The following EP400 variants were observed in gnomAD, a reference collection of about 807,000 sequenced individuals.
EP400 encodes E1A binding protein p400.
EP400 carries 105 observed loss-of-function variants against 354.1 expected under a neutral mutation model. The observed-to-expected ratio is 0.30, with a 90% confidence interval of 0.25 to 0.35. The LOEUF is 0.35. Among genes scored for constraint, EP400 ranks in the 10% least tolerant of loss-of-function variants. The probability of loss-of-function intolerance (pLI) is 1.00; values close to 1 mark genes in which losing one functional copy is unlikely to be tolerated. For synonymous variants in EP400, 1,646 were observed against 1,716.9 expected, an observed-to-expected ratio of 0.96 and a Z score of 1.02; for missense variants, 3,280 against 4,121.0, an observed-to-expected ratio of 0.80 and a Z score of 5.59.
In EP400 at chr12:131,973,914, A is replaced by C. The variant is rs1892380924; in HGVS notation, c.1336-5780A>C. ...TTTCAGTGATTATGATGTTAGAGAA[A>C]ATGAGTAATTATTTATGGTTTTGTG... On this transcript the variant is annotated intron_variant, in intron 2 of 52. Transcript: ENST00000389561. 3.9e-5 allele frequency among the ~76,000 whole-genome samples: 6 copies of C among 152,074 alleles called. 1 individual carries two copies. The South Asian group carries it at 1.2e-3, about 32-fold the overall frequency.
chr12:132,050,305 T>C lies in EP400; in HGVS notation c.7201-18T>C. 1 of 1,613,862 alleles carries C rather than the reference T, an allele frequency of 6.2e-7. No individual in the cohort carries two copies. Among genetic ancestry groups the C allele is most frequent in the Non-Finnish European group, 8.5e-7 (1 of 1,179,896 alleles). On this transcript the variant is annotated intron_variant, in intron 39 of 52. Transcript: ENST00000389561. This position sits in a 1 kb window ranked among gnomAD's most constrained non-coding sequence, Gnocchi z 4.8. ...CATGCTGCCTAATTCAGATGCACTC[T>C]CGTCAATTTCATTGCAGAGTAAAAA... is the stretch of plus-strand genomic sequence containing the variant.
At chr12:132,001,061 C>T (rs531203505) in intron 12 of EP400, among the ~76,000 whole-genome samples, 2 of 152,218 alleles carry the variant, frequency 1.3e-5, no homozygotes, top group East Asian at 3.9e-4. Flanking sequence ...TAGGGACCAG[C>T]CCCACAGGGT....
chr12:132,056,059 C>T (rs1895502257), intron 45 of EP400, among the ~76,000 whole-genome samples: 1 of 151,876 alleles, frequency 6.6e-6, no homozygotes, highest in South Asian at 2.1e-4. Context: ...GCAGCCCACC[C>T]AGGTGGAGAG....
chr12:131,979,842 G>A (rs1225062902), intron 3 of EP400, 49 bp downstream of exon 3: 6 of 1,483,916 alleles, frequency 4.0e-6, no homozygotes, highest in Non-Finnish European at 5.5e-6. Flanking sequence ...CCTCTCCTTG[G>A]GCTGCCGAGG....
chr12:132,051,987 G>A (rs187851066), intron 41 of EP400, among the ~76,000 whole-genome samples: 1 of 152,296 alleles, frequency 6.6e-6, no homozygotes, highest in Admixed American at 6.5e-5. Context: ...AGGCTTGCAC[G>A]CTTGTCTTCT....
chr12:132,039,611 A>G (rs1017271864), intron 32 of EP400, among the ~76,000 whole-genome samples: 8 of 152,278 alleles, frequency 5.3e-5, no homozygotes, highest in Admixed American at 1.3e-4. Context: ...CATTTCTTCT[A>G]GAGATTGCAT....
At chr12:132,074,840 T>G (rs1896184287) in intron 51 of EP400, among the ~76,000 whole-genome samples, 1 of 152,208 alleles carries the variant, frequency 6.6e-6, no homozygotes, top group South Asian at 2.1e-4. Context: ...TTGTTTATAG[T>G]CTCTTGTTTC....
intron 1 of EP400, among the ~76,000 whole-genome samples, chr12:131,950,794 C>T (rs1301116935): frequency 6.6e-6 from 1 of 152,236 alleles, no homozygotes; most frequent in African/African-American, 2.4e-5. Flanking sequence ...CGCTCTGTTG[C>T]CCAGGTTGGC....
Position 132,020,146 on chromosome 12 carries a change from T to C in EP400, c.4375T>C (p.Ser1459Pro), listed in dbSNP as rs749262516. The part of the protein sequence containing the change: ...PPRTAAPTTA[S>P]AAPQGPLRGR... ...CCGGACGGCAGCCCCCACCACGGCC[T>C]CTGCTGCTCCACAGGGCCCGCTTCG... The change falls in exon 22 of 53, where the codon TCT becomes CCT. Residue 1459 changes from serine (S) to proline (P), a missense_variant. Ser to Pro is a moderately conservative substitution (Grantham distance 74). This residue lies in a region of EP400 where 342 missense variants were observed against 342.7 expected (regional missense o/e 1.00). Transcript: ENST00000389561. 29 of 1,611,838 alleles carry C rather than the reference T, an allele frequency of 1.8e-5. 1 individual carries two copies. The South Asian group carries it at 3.2e-4, about 18-fold the overall frequency.
intron 30 of EP400, among the ~76,000 whole-genome samples, chr12:132,036,299 CGTG>C (rs1894711952): frequency 6.7e-6 from 1 of 148,662 alleles, no homozygotes; most frequent in Non-Finnish European, 1.5e-5. Flanking sequence ...CACGGAATGT[CGTG>C]GAAGCACACA....
chr12:132,022,789 G>C (rs1455150883), intron 23 of EP400, among the ~76,000 whole-genome samples: 1 of 151,822 alleles, frequency 6.6e-6, no homozygotes, highest in Non-Finnish European at 1.5e-5. Context: ...GGCATTGCTA[G>C]ATCTTGTAGA....
Position 132,079,407 on chromosome 12 carries a change from G to A in EP400, c.*1734G>A, listed in dbSNP as rs1400934695. The A allele has an allele frequency of 6.6e-6, 1 of 152,298 alleles. No homozygotes were observed. The highest frequency in any genetic ancestry group is 1.5e-5 in the Non-Finnish European group (1 of 68,054). The allele number at this position is 152,298 out of a possible 1,614,324, so 9.4% of individuals were successfully genotyped here. On this transcript the variant is annotated 3_prime_UTR_variant, in exon 53 of 53. Transcript: ENST00000389561. ...GCAGCTTGCCGGAGGGAGGGCCGCT[G>A]TGTGCGCCTCACATCTGGCTCCCAG...
chr12:132,058,167 G>A (rs1895575824), intron 45 of EP400, among the ~76,000 whole-genome samples: 1 of 152,140 alleles, frequency 6.6e-6, no homozygotes, highest in Admixed American at 6.5e-5. Flanking sequence ...AGGGTCTGAG[G>A]GGAAGGGAAT....
intron 48 of EP400, chr12:132,065,381 G>T: frequency 6.3e-6 from 1 of 159,506 alleles, no homozygotes; most frequent in Non-Finnish European, 1.4e-5. Context: ...GCAGGTGCCA[G>T]CGTCCCGGGG....
chr12:132,066,803 G>A lies in EP400; in HGVS notation c.8583G>A (p.Ala2861=), dbSNP rs199940202. The change falls in exon 49 of 53, where the codon GCG becomes GCA. Residue 2861 remains alanine, a synonymous_variant. Coordinates refer to ENST00000389561, the MANE Select transcript of EP400 (RefSeq NM_015409.5). ...LTRVPTSQLQ[A]QGQMQTQAPQ... is the part of the protein sequence containing the mutation. ...GGGTTCCCACTTCTCAGCTGCAGGC[G>A]CAAGGGCAGATGCAGACCCAGGCAC... 1.9e-5 allele frequency: 31 copies of A among 1,613,854 alleles called. No homozygotes were observed. In the East Asian group the frequency reaches 3.8e-4, roughly 20 times the overall value.
At chr12:131,959,205 A>C (rs11609687) in intron 1 of EP400, among the ~76,000 whole-genome samples, 1 of 152,080 alleles carries the variant, frequency 6.6e-6, no homozygotes, top group Admixed American at 6.6e-5. Context: ...TTATGACAGA[A>C]GTTAGCTATT....
Position 132,043,673 on chromosome 12 carries a change from A to G in EP400, c.6395A>G (p.Asn2132Ser), listed in dbSNP as rs1373253795. 1.9e-6 allele frequency: 3 copies of G among 1,611,372 alleles called. No individual in the cohort carries two copies. The highest frequency in any genetic ancestry group is 4.5e-5 in the East Asian group (2 of 44,854). Residue 2132 changes from asparagine to serine, a missense_variant, in exon 34 of 53, where the codon AAT becomes AGT. Physicochemically the swap from Asn to Ser is conservative, Grantham distance 46. Coordinates refer to ENST00000389561, the MANE Select transcript of EP400 (RefSeq NM_015409.5). The part of the protein sequence containing the change: ...QLTPIEKYAL[N>S]YLELFHTSIE... ...ACACCAATTGAAAAATATGCTTTAA[A>G]TTACCTGGAATTATTCCATACTTCT...
intron 52 of EP400, 21 bp from the exon 53 acceptor site, chr12:132,077,380 T>A (rs1896269041): frequency 6.2e-7 from 1 of 1,600,810 alleles, no homozygotes; most frequent in Non-Finnish European, 8.5e-7. Context: ...CAATGTGTGT[T>A]TTCTGACTCT....
intron 45 of EP400, among the ~76,000 whole-genome samples, chr12:132,056,945 C>A (rs1262795682): frequency 6.6e-6 from 1 of 152,190 alleles, no homozygotes; most frequent in Non-Finnish European, 1.5e-5. Flanking sequence ...TGTGCAACGC[C>A]ATGAGTCATC....
Sources: gnomAD v4.1 joint callset for allele counts (sites outside exome capture counted in the v4.1 genomes callset) on GRCh38, gnomAD v4.1.1 for gene constraint, gnomAD v4.1.1 regional missense constraint, Gnocchi (gnomAD v3.1) non-coding constraint, MANE v1.5 for transcripts, NCBI Gene and HGNC (gene_info 2026-07-23, HGNC 2026-07-21) for gene names.